Variants in CNTNAP2 observed in about 807,000 individuals in gnomAD.
The protein encoded by CNTNAP2 is contactin-associated protein-like 2.
A neutral mutation model predicts 155.2 loss-of-function variants in CNTNAP2; 98 were observed. The ratio of observed to expected loss-of-function variants is 0.63; its 90% CI spans 0.54 to 0.75. CNTNAP2 has a LOEUF of 0.75. Ranked by LOEUF, CNTNAP2 falls within the 30% of genes least tolerant of loss-of-function variation. The pLI is 0.00. For synonymous variants in CNTNAP2, 651 were observed against 631.2 expected (o/e 1.03, Z -0.47); for missense variants, 1,727 against 1,688.1 (o/e 1.02, Z -0.40).
At chr7:146,353,484 T>TA (rs1472691441) in intron 1 of CNTNAP2, among the ~76,000 whole-genome samples, 1 of 152,184 alleles carries the variant, frequency 6.6e-6, no homozygotes, top group Non-Finnish European at 1.5e-5. Flanking sequence ...TTTATGCATT[T>TA]AAAAATCACC....
intron 15 of CNTNAP2, among the ~76,000 whole-genome samples, chr7:148,050,570 T>C (rs1585097712): frequency 6.6e-6 from 1 of 152,146 alleles, no homozygotes; most frequent in Non-Finnish European, 1.5e-5. Flanking sequence ...AGTAAACTAA[T>C]GTGTATTAAA....
intron 8 of CNTNAP2, among the ~76,000 whole-genome samples, chr7:147,232,703 A>C (rs897628852): frequency 6.6e-6 from 1 of 152,228 alleles, no homozygotes; most frequent in Non-Finnish European, 1.5e-5. Context: ...CAAGACTTAA[A>C]TGAAATATCT....
At chr7:148,226,303 A>G (rs1450776522) in intron 19 of CNTNAP2, among the ~76,000 whole-genome samples, 2 of 152,164 alleles carry the variant, frequency 1.3e-5, no homozygotes, top group Non-Finnish European at 2.9e-5. Context: ...CAAAGGTCCT[A>G]CATAGGATAG....
At chr7:146,144,013 C>T (rs1562966538) in intron 1 of CNTNAP2, among the ~76,000 whole-genome samples, 3 of 152,180 alleles carry the variant, frequency 2.0e-5, no homozygotes, top group African/African-American at 7.2e-5. Flanking sequence ...CCTCCCACCT[C>T]GGCCTCCCGA....
At chr7:147,033,147 CATATATATATATGTAT>C (rs771778443) in intron 3 of CNTNAP2, among the ~76,000 whole-genome samples, 7,399 of 86,910 alleles carry the variant, frequency 0.085, 323 homozygotes, top group Middle Eastern at 0.17. Flanking sequence ...GATATTGCTG[CATATATATATATGTAT>C]ATATATATAT....
chr7:147,026,209 G>C (rs74582549), intron 3 of CNTNAP2, among the ~76,000 whole-genome samples: 5 of 152,124 alleles, frequency 3.3e-5, no homozygotes, highest in Non-Finnish European at 7.3e-5. Context: ...AGTTCATAGT[G>C]TATATAAAAT....
intron 8 of CNTNAP2, among the ~76,000 whole-genome samples, chr7:147,239,589 A>T (rs1339735939): frequency 6.6e-6 from 1 of 152,102 alleles, no homozygotes; most frequent in Non-Finnish European, 1.5e-5. Context: ...TAACCACTCT[A>T]ATGGGCATAG....
intron 21 of CNTNAP2, among the ~76,000 whole-genome samples, chr7:148,295,765 C>T (rs181733353): frequency 1.3e-5 from 2 of 151,938 alleles, no homozygotes; most frequent in Non-Finnish European, 2.9e-5. Flanking sequence ...TGCTGGGATT[C>T]CAGACATGAG....
intron 1 of CNTNAP2, among the ~76,000 whole-genome samples, chr7:146,572,390 C>T (rs568490860): frequency 1.3e-5 from 2 of 151,222 alleles, no homozygotes; most frequent in South Asian, 4.2e-4. Flanking sequence ...TCTTTACAGT[C>T]TCAGACTTAG....
At chr7:148,194,802 C>A (rs996808735) in intron 18 of CNTNAP2, among the ~76,000 whole-genome samples, 3 of 152,150 alleles carry the variant, frequency 2.0e-5, no homozygotes, top group African/African-American at 7.2e-5. Context: ...TTCCATCTGG[C>A]CCCTCAATGG....
intron 8 of CNTNAP2, among the ~76,000 whole-genome samples, chr7:147,135,117 T>C (rs1400589003): frequency 6.6e-6 from 1 of 151,892 alleles, no homozygotes; most frequent in African/African-American, 2.4e-5. Context: ...GGAATTAATT[T>C]AAAATATTAA....
intron 1 of CNTNAP2, among the ~76,000 whole-genome samples, chr7:146,765,458 G>A (rs1271572202): frequency 6.6e-6 from 1 of 152,160 alleles, no homozygotes; most frequent in African/African-American, 2.4e-5. Flanking sequence ...TCAAAACTAG[G>A]AAGCACTTTG....
intron 3 of CNTNAP2, among the ~76,000 whole-genome samples, chr7:147,027,915 G>A (rs1339836454): frequency 6.6e-6 from 1 of 152,174 alleles, no homozygotes; most frequent in African/African-American, 2.4e-5. Flanking sequence ...ACACAGTTTT[G>A]ATGATAAAAA....
At chr7:146,776,787 A>G (rs1269028214) in intron 2 of CNTNAP2, among the ~76,000 whole-genome samples, 2 of 152,312 alleles carry the variant, frequency 1.3e-5, no homozygotes, top group East Asian at 3.9e-4. Context: ...TTAACATAAT[A>G]CAAGATACCA....
At chr7:146,467,232 C>T (rs894953314) in intron 1 of CNTNAP2, among the ~76,000 whole-genome samples, 17 of 152,110 alleles carry the variant, frequency 1.1e-4, no homozygotes, top group Non-Finnish European at 2.9e-5. Context: ...ATCTGGTCTT[C>T]TATTCCTTAA....
intron 13 of CNTNAP2, among the ~76,000 whole-genome samples, chr7:147,737,100 G>A (rs1796865549): frequency 6.6e-6 from 1 of 152,158 alleles, no homozygotes; most frequent in Admixed American, 6.5e-5. Flanking sequence ...GAGGCGCTCT[G>A]ATTTCATAGA....
intron 9 of CNTNAP2, among the ~76,000 whole-genome samples, chr7:147,345,059 G>A (rs541861943): frequency 6.6e-6 from 1 of 152,016 alleles, no homozygotes; most frequent in African/African-American, 2.4e-5. Context: ...ATTTCTTGGT[G>A]TACACATAAA....
chr7:147,902,784 G>GTA (rs1198648308), intron 13 of CNTNAP2, among the ~76,000 whole-genome samples: 5 of 134,644 alleles, frequency 3.7e-5, no homozygotes, highest in African/African-American at 1.4e-4. Context: ...ATGTTTGTGT[G>GTA]TGTGTGTGTG....
chr7:147,312,711 G>T (rs533808948), intron 9 of CNTNAP2, among the ~76,000 whole-genome samples: 10 of 98,272 alleles, frequency 1.0e-4, no homozygotes, highest in South Asian at 7.3e-4. Context: ...GAATAGTGCT[G>T]CAATAAACAT....
Sources: allele counts gnomAD v4.1 joint callset (sites outside exome capture counted in the v4.1 genomes callset), GRCh38; gene constraint gnomAD v4.1.1; transcripts MANE v1.5; gene names NCBI Gene and HGNC (gene_info 2026-07-23, HGNC 2026-07-21).